PTPRN2: variants seen among roughly 807,000 people sequenced by gnomAD.
PTPRN2 encodes receptor-type tyrosine-protein phosphatase N2.
A neutral mutation model predicts 118.8 loss-of-function variants in PTPRN2; 74 were observed. The observed-to-expected ratio is 0.62, with a 90% CI of 0.52 to 0.76. The LOEUF is 0.76. Ranked by LOEUF, PTPRN2 falls within the 30% of genes least tolerant of loss-of-function variation. PTPRN2 has a pLI of 0.00. For missense variants in PTPRN2, 1,481 were observed against 1,394.4 expected (o/e 1.06, Z -0.99); for synonymous variants, 641 against 608.0 (o/e 1.05, Z -0.80).
At chr7:158,039,594 G>A (rs890497121) in intron 11 of PTPRN2, among the ~76,000 whole-genome samples, 6 of 152,226 alleles carry the variant, frequency 3.9e-5, no homozygotes, top group Non-Finnish European at 5.9e-5. Context: ...AGAAATTTTA[G>A]CCTCTGACAA....
intron 1 of PTPRN2, among the ~76,000 whole-genome samples, chr7:158,502,323 C>CA (rs376091100): frequency 7.0e-4 from 106 of 152,216 alleles, no homozygotes; most frequent in Middle Eastern, 6.8e-3. Flanking sequence ...ACAATTTTTA[C>CA]AAAAAAACTT....
intron 1 of PTPRN2, among the ~76,000 whole-genome samples, chr7:158,566,499 G>A (rs1044779847): frequency 2.0e-5 from 3 of 152,178 alleles, no homozygotes; most frequent in Non-Finnish European, 4.4e-5. Flanking sequence ...CAGGCATCCT[G>A]CCACAAGCAC....
chr7:158,292,316 C>G (rs989012703), intron 3 of PTPRN2, among the ~76,000 whole-genome samples: 1 of 152,226 alleles, frequency 6.6e-6, no homozygotes, highest in Non-Finnish European at 1.5e-5. Flanking sequence ...GAGCCCGCCT[C>G]CTGGTGAGGC....
intron 9 of PTPRN2, among the ~76,000 whole-genome samples, chr7:158,126,184 C>G (rs1230297684): frequency 1.4e-5 from 1 of 70,840 alleles, no homozygotes; most frequent in Non-Finnish European, 2.7e-5. Flanking sequence ...GCCACACCAG[C>G]CCCCAGGACA....
intron 2 of PTPRN2, among the ~76,000 whole-genome samples, chr7:158,345,031 G>A (rs769524949): frequency 2.6e-5 from 4 of 152,310 alleles, no homozygotes; most frequent in East Asian, 1.9e-4. Flanking sequence ...ACCTGGGACC[G>A]CAGTGGGCGG....
chr7:157,694,597 G>C (rs1182035046), intron 12 of PTPRN2, among the ~76,000 whole-genome samples: 3 of 152,140 alleles, frequency 2.0e-5, no homozygotes, highest in Non-Finnish European at 4.4e-5. Flanking sequence ...TAAGTTACTC[G>C]CCAGATTTCC....
intron 2 of PTPRN2, among the ~76,000 whole-genome samples, chr7:158,365,779 A>C (rs1427838188): frequency 6.8e-6 from 1 of 147,046 alleles, no homozygotes; most frequent in Non-Finnish European, 1.5e-5. Context: ...GCATACACAC[A>C]CACACACCCA....
At chr7:157,675,910 T>C (rs762106538) in intron 13 of PTPRN2, among the ~76,000 whole-genome samples, 65 of 152,102 alleles carry the variant, frequency 4.3e-4, no homozygotes, top group African/African-American at 1.4e-3. Flanking sequence ...AATTTCACCA[T>C]TGGAGAAAAA....
At chr7:158,067,266 G>A (rs964615558) in intron 11 of PTPRN2, among the ~76,000 whole-genome samples, 5 of 152,246 alleles carry the variant, frequency 3.3e-5, no homozygotes, top group Non-Finnish European at 7.3e-5. Context: ...CAGAGGGGCC[G>A]TTTCCAATGC....
intron 2 of PTPRN2, among the ~76,000 whole-genome samples, chr7:158,329,915 G>A (rs372877485): frequency 1.3e-5 from 2 of 152,130 alleles, no homozygotes; most frequent in East Asian, 3.9e-4. Context: ...GGAGTGACTG[G>A]CAGAGTGTCC....
rs553957770 is a variant in PTPRN2 at position 157,601,620 on chromosome 7, C to T, written c.2418+2382G>A. On this transcript the variant is annotated intron_variant, in intron 16 of 22. Coordinates refer to ENST00000389418, the MANE Select transcript of PTPRN2 (RefSeq NM_002847.5). ...CCCCAAACACACACCCCCTCTGGTTCCCACATGGGATGAAAGCTGTCCACC... is the reference window on the plus strand; with the variant it reads ...CCCCAAACACACACCCCCTCTGGTTTCCACATGGGATGAAAGCTGTCCACC... Among the ~76,000 whole-genome samples, 10 of 152,360 alleles carry T rather than the reference C, an allele frequency of 6.6e-5. No homozygotes were observed. The South Asian group carries it at 2.1e-3, about 32-fold the overall frequency.
chr7:158,508,493 C>T (rs915575086), intron 1 of PTPRN2, among the ~76,000 whole-genome samples: 4 of 152,120 alleles, frequency 2.6e-5, no homozygotes, highest in Non-Finnish European at 5.9e-5. Context: ...GGCCGTGACT[C>T]AGCAACTGAA....
At position 157,596,773 on chromosome 7, in the gene PTPRN2, T is replaced by C. The variant is rs1025700395; in HGVS notation, c.2419-1458A>G. Among the ~76,000 whole-genome samples the C allele has an allele frequency of 1.3e-5, 2 of 152,216 alleles. No individual in the cohort carries two copies. The highest frequency in any genetic ancestry group is 2.9e-5 in the Non-Finnish European group (2 of 68,034). On this transcript the variant is annotated intron_variant, in intron 16 of 22. Coordinates refer to ENST00000389418, the MANE Select transcript of PTPRN2 (RefSeq NM_002847.5). The surrounding 1 kb of genome is among the most constrained non-coding windows in gnomAD (Gnocchi z 4.2). ...CTTGTGCATCTGACGCACAGTCCTT[T>C]CTTCTATTGTGTCTAGGACTAAAAT...
chr7:158,402,914 G>A (rs554748430), intron 2 of PTPRN2, among the ~76,000 whole-genome samples: 15 of 152,318 alleles, frequency 9.8e-5, no homozygotes, highest in African/African-American at 3.4e-4. Flanking sequence ...AGGGGCAGCA[G>A]GTCAGAAAAG....
chr7:158,524,487 A>AGTCTGCCCTGGAGTGGAGTC (rs1396729945), intron 1 of PTPRN2, among the ~76,000 whole-genome samples: 9 of 104,380 alleles, frequency 8.6e-5, no homozygotes, highest in East Asian at 6.5e-4. Flanking sequence ...CCTGGAGCGG[A>AGTCTGCCCTGGAGTGGAGTC]GTCTGCCCTG....
intron 12 of PTPRN2, among the ~76,000 whole-genome samples, chr7:157,699,619 G>T (rs1219167389): frequency 6.6e-6 from 1 of 152,178 alleles, no homozygotes. Flanking sequence ...GTAAAGACAG[G>T]GTTTTGCCAT....
Position 158,167,221 on chromosome 7 carries a change from C to T in PTPRN2, c.620G>A (p.Gly207Glu). The T allele has an allele frequency of 1.9e-6, 3 of 1,613,392 alleles. No homozygotes were observed. Among genetic ancestry groups the T allele is most frequent in the Non-Finnish European group, 2.5e-6 (3 of 1,179,878 alleles). ...AHTSALTYPP[G>E]SRTQLREDLL... ...GTCCTCGCGGAGCTGGGTCCGGGAC[C>T]CGGGAGGGTAGGTCAGCGCAGACGT... The change falls in exon 6 of 23, where the codon GGG becomes GAG. Residue 207 changes from glycine to glutamate, a missense_variant. Around this residue, in one of 3 missense-constraint regions of PTPRN2, gnomAD observed 1,115 missense variants for 994.2 expected, o/e 1.12. Transcript: ENST00000389418.
rs535969969 is a variant in PTPRN2, at chr7:158,486,221, G to A, written c.163+3514C>T. Among the ~76,000 whole-genome samples the A allele has an allele frequency of 9.8e-5, 15 of 152,370 alleles. No homozygotes were observed. In the East Asian group the frequency reaches 1.7e-3, roughly 18 times the overall value. ...GGCGTGAACGTGCTGGCCAGTCAGC[G>A]TCCATCACGATCACGTCAGGCCATG... On this transcript the variant is annotated intron_variant, in intron 2 of 22. Coordinates refer to ENST00000389418, the MANE Select transcript of PTPRN2 (RefSeq NM_002847.5).
intron 3 of PTPRN2, among the ~76,000 whole-genome samples, chr7:158,264,978 G>A (rs1487603488): frequency 1.3e-5 from 2 of 152,006 alleles, no homozygotes; most frequent in South Asian, 2.1e-4. Flanking sequence ...GTCGAGGTCC[G>A]CCTGTTCACA....
Sources: allele counts gnomAD v4.1 joint callset (sites outside exome capture counted in the v4.1 genomes callset), GRCh38; gene constraint gnomAD v4.1.1; regional missense constraint gnomAD v4.1.1; non-coding constraint Gnocchi (gnomAD v3.1); transcripts MANE v1.5; gene names NCBI Gene and HGNC (gene_info 2026-07-23, HGNC 2026-07-21).